The following ASPDH variants were observed in gnomAD, a reference collection of about 807,000 sequenced individuals.
The protein encoded by ASPDH is aspartate dehydrogenase domain containing.
A neutral mutation model predicts 30.5 loss-of-function variants in ASPDH; 25 were observed. That is an observed-to-expected ratio of 0.82 (90% CI 0.60 to 1.14). The LOEUF is 1.14. Ranked by LOEUF, ASPDH falls within the 50% of genes most tolerant of loss-of-function variation. ASPDH has a pLI of 0.00. For synonymous variants in ASPDH, 168 were observed against 156.3 expected, an observed-to-expected ratio of 1.07 and a Z score of -0.56; for missense variants, 401 against 381.5, an observed-to-expected ratio of 1.05 and a Z score of -0.43.
chr19:50,512,369 G>A lies in ASPDH; in HGVS notation c.644C>T (p.Ala215Val). ...GCTTAGCTCTGCTCACCTGGTATCAGCCACGAGCACCCCAATCACCCCATC... is the reference window on the plus strand; with the variant it reads ...GCTTAGCTCTGCTCACCTGGTATCAACCACGAGCACCCCAATCACCCCATC... ...GFDGVIGVLVADTSLTDMHVV... is the reference protein window; with the variant it reads ...GFDGVIGVLVVDTSLTDMHVV... The change falls in exon 5 of 7, where the codon GCT becomes GTT. Residue 215 changes from alanine to valine, a missense_variant. By Grantham distance (64) the Ala-to-Val change is moderately conservative. Transcript: ENST00000389208. 1 of 1,613,912 alleles carries A rather than the reference G, an allele frequency of 6.2e-7. No homozygotes were observed.
Position 50,513,739 on chromosome 19 carries a change from G to T in ASPDH, c.52+33C>A. On this transcript the variant is annotated intron_variant, in intron 1 of 6. Coordinates refer to ENST00000389208, the MANE Select transcript of ASPDH (RefSeq NM_001114598.2). This position sits in a 1 kb window ranked among gnomAD's most constrained non-coding sequence, Gnocchi z 4.9. ...TCTTGGGAGCTTTAGGAAGGGGTTT[G>T]GGGAAGGAGGCCAAGGATGGTCAGG... 1 of 1,467,788 alleles carries T rather than the reference G, an allele frequency of 6.8e-7. No homozygotes were observed. The highest frequency in any genetic ancestry group is 9.3e-7 in the Non-Finnish European group (1 of 1,071,846). 90.9% of individuals were successfully genotyped at this position (1,467,788 alleles called of 1,614,324 possible).
chr19:50,512,268 C>A lies in ASPDH; in HGVS notation c.676G>T (p.Asp226Tyr). 1.2e-6 allele frequency: 2 copies of A among 1,613,592 alleles called. No homozygotes were observed. The highest frequency in any genetic ancestry group is 1.7e-6 in the Non-Finnish European group (2 of 1,179,918). ...CCCCGGGGTCCGCTCAGCTCTACAT[C>A]CACCACGTGCATGTCCGTGAGGCTG... The part of the protein sequence containing the change: ...DTSLTDMHVV[D>Y]VELSGPRGPT... The change falls in exon 6 of 7, where the codon GAT becomes TAT. Residue 226 changes from aspartate (D) to tyrosine (Y), a missense_variant. Coordinates refer to ENST00000389208, the MANE Select transcript of ASPDH (RefSeq NM_001114598.2).
rs1568706985 is a variant in ASPDH at position 50,511,769 on chromosome 19, G to A, written c.813C>T (p.Cys271=). 1.5e-6 allele frequency: 2 copies of A among 1,318,284 alleles called. No individual in the cohort carries two copies. The highest frequency in any genetic ancestry group is 1.9e-6 in the Non-Finnish European group (2 of 1,028,688). 81.7% of individuals were successfully genotyped at this position (1,318,284 alleles called of 1,614,324 possible). A position where few individuals can be genotyped will look rare whatever the true frequency, so the allele number is the denominator to read the frequency against. ...VTAFWQSLLA[C]CQLPSRPGIH... is the part of the protein sequence containing the mutation. ...TCCCCGGCCTGGAGGGGAGCTGGCA[G>A]CAGGCTGCGGGGAGAGGGGAATGAG... The change falls in exon 7 of 7, where the codon TGC becomes TGT. Residue 271 remains cysteine, a synonymous_variant. Coordinates refer to ENST00000389208, the MANE Select transcript of ASPDH (RefSeq NM_001114598.2).
At position 50,512,159 on chromosome 19, in the gene ASPDH, G is replaced by C. The variant is rs769179022; in HGVS notation, c.785C>G (p.Thr262Arg). 1.9e-6 allele frequency: 3 copies of C among 1,578,348 alleles called. No homozygotes were observed. The South Asian group carries it at 3.4e-5, about 18-fold the overall frequency. The change falls in exon 6 of 7, where the codon ACG (threonine) becomes AGG (arginine). Residue 262 changes from threonine (T) to arginine (R), a missense_variant. By Grantham distance (71) the Thr-to-Arg change is moderately conservative. Coordinates refer to ENST00000389208, the MANE Select transcript of ASPDH (RefSeq NM_001114598.2). ...PGAVTGSATV[T>R]AFWQSLLACC... ...ACCCAGGAGGCTCTGCCAGAAGGCC[G>C]TGACGGTGGCGGAGCCGGTGACCGC...
At chr19:50,511,853 A>C in intron 6 of ASPDH, 80 bp from the exon 7 acceptor site, 7 of 347,060 alleles carry the variant, frequency 2.0e-5, no homozygotes, top group Non-Finnish European at 3.1e-5. Context: ...TGGTGGGAGG[A>C]GGGGACAGGG....
chr19:50,512,048 C>T, intron 6 of ASPDH, 88 bp downstream of exon 6: 1 of 1,160,734 alleles, frequency 8.6e-7, no homozygotes, highest in Non-Finnish European at 1.2e-6. Context: ...AATACAGAAC[C>T]AGAACTGCAG....
chr19:50,513,272 C>T lies in ASPDH; in HGVS notation c.197G>A (p.Arg66Lys), dbSNP rs767449307. ...ACTCTCCCATGGCAAGGTCACTGACCTTTCCCCAAGGGCAGCAAGGTTCTG... is the reference window on the plus strand; with the variant it reads ...ACTCTCCCATGGCAAGGTCACTGACTTTTCCCCAAGGGCAGCAAGGTTCTG... ...QLQNLAALGE[R>K]RPDLVVEVAH... Residue 66 changes from arginine (R) to lysine (K), a missense_variant and splice_region_variant, in exon 2 of 7, where the codon AGG (arginine) becomes AAG (lysine). By Grantham distance (26) the Arg-to-Lys change is conservative (BLOSUM62 2). Coordinates refer to ENST00000389208, the MANE Select transcript of ASPDH (RefSeq NM_001114598.2). This position sits in a 1 kb window ranked among gnomAD's most constrained non-coding sequence, Gnocchi z 4.9. 2.0e-6 allele frequency: 3 copies of T among 1,477,320 alleles called. No individual in the cohort carries two copies. In the South Asian group the frequency reaches 4.2e-5, roughly 21 times the overall value. The allele number at this position is 1,477,320 out of a possible 1,614,324, so 91.5% of individuals were successfully genotyped here. A position where few individuals can be genotyped will look rare whatever the true frequency, so the allele number is the denominator to read the frequency against.
chr19:50,511,715 G>A lies in ASPDH; in HGVS notation c.*15C>T. 1 of 1,302,532 alleles carries A rather than the reference G, an allele frequency of 7.7e-7. No individual in the cohort carries two copies. Among genetic ancestry groups the A allele is most frequent in the Non-Finnish European group, 9.8e-7 (1 of 1,018,536 alleles). 80.7% of individuals were successfully genotyped at this position (1,302,532 alleles called of 1,614,324 possible). A position where few individuals can be genotyped will look rare whatever the true frequency, so the allele number is the denominator to read the frequency against. The stretch of plus-strand genomic sequence containing the variant: ...GGCCAGGCAGATGATCTTGTCTCGG[G>A]AGGGAGGAGGCTTCTCAGCAGAGAT... On this transcript the variant is annotated 3_prime_UTR_variant, in exon 7 of 7. Transcript: ENST00000389208.
rs755602844 is a variant in ASPDH at position 50,513,318 on chromosome 19, C to T, written c.151G>A (p.Val51Met). 11 of 1,532,650 alleles carry T rather than the reference C, an allele frequency of 7.2e-6. No homozygotes were observed. The East Asian group carries it at 7.4e-5, about 10-fold the overall frequency. 94.9% of individuals were successfully genotyped at this position (1,532,650 alleles called of 1,614,324 possible). ...NRDPGRMAGS[V>M]PPSLQLQNLA... ...TTCTGGAGCTGCAGGGAAGGGGGCA[C>T]GCTCCCTGCCATTCGTCCTGGGTCA... Residue 51 changes from valine (V) to methionine (M), a missense_variant, in exon 2 of 7, where the codon GTG (valine) becomes ATG (methionine). Val to Met is a conservative substitution (Grantham distance 21). Transcript: ENST00000389208. The surrounding 1 kb of genome is among the most constrained non-coding windows in gnomAD (Gnocchi z 4.9).
chr19:50,513,192 C>T lies in ASPDH; in HGVS notation c.197+80G>A. On this transcript the variant is annotated intron_variant, in intron 2 of 6. Transcript: ENST00000389208. The surrounding 1 kb of genome is among the most constrained non-coding windows in gnomAD (Gnocchi z 4.9). ...CCAAGGCCCAGAGAGGGTCAGGGAA[C>T]CCCTGAGATCACACAGTGGCTAAGA... 1 of 1,342,132 alleles carries T rather than the reference C, an allele frequency of 7.5e-7. No homozygotes were observed. The highest frequency in any genetic ancestry group is 2.9e-5 in the Admixed American group (1 of 33,946). The allele number at this position is 1,342,132 out of a possible 1,614,324, so 83.1% of individuals were successfully genotyped here. A position where few individuals can be genotyped will look rare whatever the true frequency, so the allele number is the denominator to read the frequency against.
At chr19:50,511,836 G>A in intron 6 of ASPDH, 63 bp from the exon 7 acceptor site, 1 of 1,190,326 alleles carries the variant, frequency 8.4e-7, no homozygotes, top group Non-Finnish European at 1.1e-6. Flanking sequence ...ACGCCTGGGG[G>A]AGGCAGTGGT....
Position 50,513,651 on chromosome 19 carries a change from A to C in ASPDH, c.52+121T>G. The C allele has an allele frequency of 1.2e-6, 1 of 842,168 alleles. No individual in the cohort carries two copies. The highest frequency in any genetic ancestry group is 1.9e-6 in the Non-Finnish European group (1 of 527,036). 52.2% of individuals were successfully genotyped at this position (842,168 alleles called of 1,614,324 possible). On this transcript the variant is annotated intron_variant, in intron 1 of 6. Transcript: ENST00000389208. The surrounding 1 kb of genome is among the most constrained non-coding windows in gnomAD (Gnocchi z 4.9). ...GACCTGGGGTGGGGGTGCAGTGGGC[A>C]GACCCAGAGACACAGCCAGGGGCAG...
chr19:50,513,953 C>A, upstream of ASPDH: 3 of 1,239,254 alleles, frequency 2.4e-6, no homozygotes, highest in Non-Finnish European at 3.3e-6. The surrounding 1 kb of genome is among the most constrained non-coding windows in gnomAD (Gnocchi z 4.9). Flanking sequence ...CCCTTCCCCG[C>A]AGGCCCAGCG....
rs773567569 is a variant in ASPDH, at chr19:50,513,457, GGGGGACAGAGACCCAGAGAGAGAGGAGGT to G, written c.53-70_53-42del. On this transcript the variant is annotated intron_variant, in intron 1 of 6. Transcript: ENST00000389208. The surrounding 1 kb of genome is among the most constrained non-coding windows in gnomAD (Gnocchi z 4.9). Reference sequence around the variant, plus strand: ...GGAGAGGGCTAGAGATCCAGAGAGAGGGGGACAGAGACCCAGAGAGAGAGGAGGTGGGGACAGAGACCCAGAGAGAGAGG... The same window carrying G: ...GGAGAGGGCTAGAGATCCAGAGAGAGGGGGACAGAGACCCAGAGAGAGAGG... The G allele has an allele frequency of 8.6e-4, 1,250 of 1,453,944 alleles. 5 individuals are homozygous for G. The African/African-American group carries it at 0.013, about 15-fold the overall frequency. The allele number at this position is 1,453,944 out of a possible 1,614,324, so 90.1% of individuals were successfully genotyped here.
At position 50,512,378 on chromosome 19, in the gene ASPDH, A is replaced by G. The variant is rs757550247; in HGVS notation, c.635T>C (p.Val212Ala). Reference protein sequence around the residue: ...PSLGFDGVIGVLVADTSLTDM... With the variant: ...PSLGFDGVIGALVADTSLTDM... ...TGCTCACCTGGTATCAGCCACGAGC[A>G]CCCCAATCACCCCATCGAAGCCCAG... Residue 212 changes from valine (V) to alanine (A), a missense_variant, in exon 5 of 7, where the codon GTG (valine) becomes GCG (alanine). Physicochemically the swap from Val to Ala is moderately conservative, Grantham distance 64. Coordinates refer to ENST00000389208, the MANE Select transcript of ASPDH (RefSeq NM_001114598.2). 5 of 1,613,818 alleles carry G rather than the reference A, an allele frequency of 3.1e-6. No homozygotes were observed. The highest frequency in any genetic ancestry group is 4.2e-6 in the Non-Finnish European group (5 of 1,179,964).
At chr19:50,514,281 G>T (rs958209131), upstream of ASPDH, among the ~76,000 whole-genome samples, 1 of 152,160 alleles carries the variant, frequency 6.6e-6, no homozygotes, top group African/African-American at 2.4e-5. Flanking sequence ...GGCGGCTAAG[G>T]TCTGAGGGAG....
chr19:50,513,094 G>T lies in ASPDH; in HGVS notation c.198-83C>A. On this transcript the variant is annotated intron_variant, in intron 2 of 6. Coordinates refer to ENST00000389208, the MANE Select transcript of ASPDH (RefSeq NM_001114598.2). This position sits in a 1 kb window ranked among gnomAD's most constrained non-coding sequence, Gnocchi z 4.9. ...AAGGTTCCCTCCGAGTCTACTGAGGGCTGCCCTTCTTCTCCCTGACCTGGG... is the reference window on the plus strand; with the variant it reads ...AAGGTTCCCTCCGAGTCTACTGAGGTCTGCCCTTCTTCTCCCTGACCTGGG... 7.5e-7 allele frequency: 1 copy of T among 1,341,646 alleles called. No individual in the cohort carries two copies. The allele number at this position is 1,341,646 out of a possible 1,614,324, so 83.1% of individuals were successfully genotyped here.
At chr19:50,514,576 G>C, upstream of ASPDH, 1 of 1,612,918 alleles carries the variant, frequency 6.2e-7, no homozygotes. Context: ...TCCCCAGCTC[G>C]CGTCAGCCCA....
chr19:50,513,040 C>T lies in ASPDH; in HGVS notation c.198-29G>A, dbSNP rs1980055008. 6.3e-7 allele frequency: 1 copy of T among 1,578,698 alleles called. No individual in the cohort carries two copies. Among genetic ancestry groups the T allele is most frequent in the South Asian group, 1.1e-5 (1 of 88,644 alleles). ...GGAGAGGGGAAAGAGGGCGGAGGGTCTTGGAGAGGTATTAGGCCTCTTCTC... is the reference window on the plus strand; with the variant it reads ...GGAGAGGGGAAAGAGGGCGGAGGGTTTTGGAGAGGTATTAGGCCTCTTCTC... On this transcript the variant is annotated intron_variant, in intron 2 of 6. Transcript: ENST00000389208. The surrounding 1 kb of genome is among the most constrained non-coding windows in gnomAD (Gnocchi z 4.9).
Sources: gnomAD v4.1 joint callset for allele counts (sites outside exome capture counted in the v4.1 genomes callset) on GRCh38, gnomAD v4.1.1 for gene constraint, Gnocchi (gnomAD v3.1) non-coding constraint, MANE v1.5 for transcripts, NCBI Gene and HGNC (gene_info 2026-07-23, HGNC 2026-07-21) for gene names.